Variants in MACROD2 observed in about 807,000 individuals in gnomAD.
MACROD2 encodes mono-ADP ribosylhydrolase 2, also known as ADP-ribose glycohydrolase MACROD2.
In MACROD2, 36 loss-of-function variants were observed where a neutral mutation model predicts 70.4. The observed-to-expected ratio is 0.51, with a 90% CI of 0.39 to 0.68. The LOEUF is 0.68. MACROD2 is among the 30% of genes least tolerant of loss of function. The probability of loss-of-function intolerance (pLI) is 0.00; values close to 1 mark genes in which losing one functional copy is unlikely to be tolerated. For missense variants in MACROD2, 496 were observed against 538.4 expected, an observed-to-expected ratio of 0.92 and a Z score of 0.78; for synonymous variants, 172 against 178.8, an observed-to-expected ratio of 0.96 and a Z score of 0.30.
chr20:15,399,176 T>G (rs2045897951), intron 6 of MACROD2, among the ~76,000 whole-genome samples: 1 of 152,070 alleles, frequency 6.6e-6, no homozygotes, highest in Non-Finnish European at 1.5e-5. Context: ...AGGGAGGAAA[T>G]GGATATTAGA....
intron 8 of MACROD2, among the ~76,000 whole-genome samples, chr20:15,510,006 A>C (rs2047477392): frequency 6.6e-6 from 1 of 152,226 alleles, no homozygotes; most frequent in African/African-American, 2.4e-5. Flanking sequence ...GTATGCCTTT[A>C]AGATGATTAC....
chr20:14,433,154 T>A (rs2084014502), intron 3 of MACROD2, among the ~76,000 whole-genome samples: 1 of 152,140 alleles, frequency 6.6e-6, no homozygotes, highest in Non-Finnish European at 1.5e-5. Flanking sequence ...TGCACAGCTC[T>A]ACCTGCCTTG....
At chr20:15,569,582 C>T (rs1355390332) in intron 8 of MACROD2, among the ~76,000 whole-genome samples, 3 of 152,198 alleles carry the variant, frequency 2.0e-5, no homozygotes, top group East Asian at 1.9e-4. Context: ...CACCATTCTA[C>T]GCTCTGCTGC....
intron 7 of MACROD2, among the ~76,000 whole-genome samples, chr20:15,498,436 C>A (rs941465708): frequency 1.3e-5 from 2 of 152,082 alleles, no homozygotes; most frequent in South Asian, 4.1e-4. Flanking sequence ...CCAGGAGACT[C>A]TGGACCAGAA....
intron 12 of MACROD2, among the ~76,000 whole-genome samples, chr20:15,960,231 C>G (rs1156503645): frequency 6.6e-6 from 1 of 152,180 alleles, no homozygotes; most frequent in Admixed American, 6.5e-5. Flanking sequence ...TGCTTAGGGC[C>G]TATTACTCAC....
intron 4 of MACROD2, among the ~76,000 whole-genome samples, chr20:14,651,701 G>A (rs113458942): frequency 8.5e-5 from 13 of 152,284 alleles, no homozygotes; most frequent in African/African-American, 3.1e-4. Flanking sequence ...CCCAATTCCT[G>A]GAGGAGGATA....
At chr20:14,517,260 T>C (rs2085111800) in intron 4 of MACROD2, among the ~76,000 whole-genome samples, 1 of 152,110 alleles carries the variant, frequency 6.6e-6, no homozygotes, top group Non-Finnish European at 1.5e-5. Context: ...GCAGCACTAT[T>C]CCCAATAACA....
intron 10 of MACROD2, among the ~76,000 whole-genome samples, chr20:15,907,379 T>A (rs2065163288): frequency 6.6e-6 from 1 of 152,332 alleles, no homozygotes; most frequent in African/African-American, 2.4e-5. Context: ...GGCCAAGAGA[T>A]CAAATTGTCC....
At chr20:14,020,000 T>C (rs2053051142) in intron 2 of MACROD2, among the ~76,000 whole-genome samples, 1 of 152,164 alleles carries the variant, frequency 6.6e-6, no homozygotes, top group Non-Finnish European at 1.5e-5. Flanking sequence ...AACTGTAAAC[T>C]AAATTTCTTT....
intron 3 of MACROD2, among the ~76,000 whole-genome samples, chr20:14,395,203 A>G (rs1218078754): frequency 6.6e-6 from 1 of 152,124 alleles, no homozygotes; most frequent in Non-Finnish European, 1.5e-5. Context: ...CAGTGAAGAC[A>G]TCTGGTCCTG....
chr20:15,963,891 C>A (rs1230879747), intron 12 of MACROD2, among the ~76,000 whole-genome samples: 1 of 152,026 alleles, frequency 6.6e-6, no homozygotes, highest in Non-Finnish European at 1.5e-5. Context: ...CTTAAAAGCA[C>A]ATCTATCTAC....
chr20:15,156,486 T>C, intron 5 of MACROD2, among the ~76,000 whole-genome samples: 1 of 152,200 alleles, frequency 6.6e-6, no homozygotes, highest in African/African-American at 2.4e-5. Context: ...TTACTTATAA[T>C]AGGTATCATG....
At chr20:15,697,431 T>A (rs2050392291) in intron 8 of MACROD2, among the ~76,000 whole-genome samples, 1 of 152,214 alleles carries the variant, frequency 6.6e-6, no homozygotes, top group South Asian at 2.1e-4. Flanking sequence ...TTGCTATAAT[T>A]TCAATTTTCT....
chr20:14,668,531 G>A (rs1276115191), intron 4 of MACROD2, among the ~76,000 whole-genome samples: 1 of 152,084 alleles, frequency 6.6e-6, no homozygotes. Flanking sequence ...TTCGGATTGG[G>A]ATCCTCCCAT....
At chr20:14,010,381 G>T (rs1222639415) in intron 2 of MACROD2, among the ~76,000 whole-genome samples, 2 of 152,080 alleles carry the variant, frequency 1.3e-5, no homozygotes, top group Non-Finnish European at 2.9e-5. Flanking sequence ...TGTCTCAGGG[G>T]TGGCAAAGGC....
At chr20:15,068,501 T>A (rs1488959105) in intron 5 of MACROD2, among the ~76,000 whole-genome samples, 1 of 152,056 alleles carries the variant, frequency 6.6e-6, no homozygotes, top group African/African-American at 2.4e-5. Flanking sequence ...GGTGTTTGGG[T>A]CATGGGAGAA....
At chr20:14,340,811 C>T (rs2083005339) in intron 3 of MACROD2, among the ~76,000 whole-genome samples, 1 of 152,172 alleles carries the variant, frequency 6.6e-6, no homozygotes, top group African/African-American at 2.4e-5. Context: ...AGTTTTAAAA[C>T]TCTAGGACTA....
At chr20:15,622,105 C>T (rs1042637739) in intron 8 of MACROD2, among the ~76,000 whole-genome samples, 9 of 152,138 alleles carry the variant, frequency 5.9e-5, no homozygotes, top group African/African-American at 9.7e-5. Context: ...TGCTGTCATT[C>T]GTCTTGAACG....
intron 2 of MACROD2, among the ~76,000 whole-genome samples, chr20:14,084,652 C>T (rs1456276301): frequency 6.6e-6 from 1 of 151,822 alleles, no homozygotes; most frequent in African/African-American, 2.4e-5. Flanking sequence ...CAGAAAGTAA[C>T]GTTTTTGGCT....
Sources: gnomAD v4.1 joint callset for allele counts (sites outside exome capture counted in the v4.1 genomes callset) on GRCh38, gnomAD v4.1.1 for gene constraint, MANE v1.5 for transcripts, NCBI Gene and HGNC (gene_info 2026-07-23, HGNC 2026-07-21) for gene names.